The following SLCO4C1 variants were observed in gnomAD, a reference collection of about 807,000 sequenced individuals.
The protein encoded by SLCO4C1 is solute carrier organic anion transporter family member 4C1, also known as organic anion transporter M1.
SLCO4C1 carries 58 observed loss-of-function variants against 72.1 expected under a neutral mutation model. That is an observed-to-expected ratio of 0.80 (90% CI 0.65 to 1.00). The LOEUF (loss-of-function observed/expected upper bound fraction) is 1.00, where lower values mean the gene tolerates loss of function less well. Among genes scored for constraint, SLCO4C1 ranks in the 50% least tolerant of loss-of-function variants. SLCO4C1 has a pLI of 0.00. For synonymous variants in SLCO4C1, 297 were observed against 312.5 expected, an observed-to-expected ratio of 0.95 and a Z score of 0.52; for missense variants, 898 against 857.9, an observed-to-expected ratio of 1.05 and a Z score of -0.58.
chr5:102,259,761 T>C (rs1264099374), intron 6 of SLCO4C1, among the ~76,000 whole-genome samples: 4 of 152,130 alleles, frequency 2.6e-5, no homozygotes, highest in Admixed American at 2.6e-4. Context: ...ATATTTACAA[T>C]TCAGTGATAA....
At chr5:102,258,884 T>C (rs1348101199) in intron 6 of SLCO4C1, among the ~76,000 whole-genome samples, 2 of 151,506 alleles carry the variant, frequency 1.3e-5, no homozygotes, top group Admixed American at 1.3e-4. Flanking sequence ...TAATTAATAA[T>C]AATAAAAATA....
intron 12 of SLCO4C1, 58 bp from the exon 13 acceptor site, chr5:102,237,076 C>T (rs1326384934): frequency 2.1e-6 from 3 of 1,453,890 alleles, no homozygotes; most frequent in South Asian, 2.8e-5. Flanking sequence ...TAAAAATTAT[C>T]ACTGAGAAAA....
intron 11 of SLCO4C1, 54 bp from the exon 12 acceptor site, chr5:102,239,442 C>T (rs1352588205): frequency 9.1e-6 from 12 of 1,317,414 alleles, no homozygotes; most frequent in Non-Finnish European, 1.2e-5. Flanking sequence ...TTTAGAATTA[C>T]AGATCTTTTT....
chr5:102,247,465 C>A, intron 9 of SLCO4C1, 23 bp from the exon 10 acceptor site: 1 of 1,402,144 alleles, frequency 7.1e-7, no homozygotes, highest in African/African-American at 1.4e-5. Context: ...GACATAAAAA[C>A]AATGAAAGTG....
In SLCO4C1 at chr5:102,236,124, TA is replaced by T. The variant is rs1166272479; in HGVS notation, c.*733del. On this transcript the variant is annotated 3_prime_UTR_variant, in exon 13 of 13. Transcript: ENST00000310954. The stretch of plus-strand genomic sequence containing the variant: ...TATTATCACAGAATCATAAATGTGT[TA>T]AAAATTGTAATATCAACAAATTACC... 3 of 152,200 alleles carry T rather than the reference TA, an allele frequency of 2.0e-5. No individual in the cohort carries two copies. Among genetic ancestry groups the T allele is most frequent in the Admixed American group, 2.0e-4 (3 of 15,276 alleles). The allele number at this position is 152,200 out of a possible 1,614,324, so 9.4% of individuals were successfully genotyped here.
intron 2 of SLCO4C1, among the ~76,000 whole-genome samples, chr5:102,287,481 A>G (rs1174407656): frequency 6.6e-6 from 1 of 151,076 alleles, no homozygotes; most frequent in Non-Finnish European, 1.5e-5. Context: ...TGTGAAATCA[A>G]TTCACCTCTT....
chr5:102,260,346 T>A (rs1245706327), intron 5 of SLCO4C1, 27 bp from the exon 6 acceptor site: 12 of 315,772 alleles, frequency 3.8e-5, no homozygotes, highest in Admixed American at 7.5e-5. Context: ...TATATATATA[T>A]AATATATATA....
chr5:102,273,688 A>G (rs1339283078), intron 2 of SLCO4C1, among the ~76,000 whole-genome samples: 1 of 152,202 alleles, frequency 6.6e-6, no homozygotes, highest in Non-Finnish European at 1.5e-5. Context: ...ACTTGCCCTG[A>G]AAAACACTAC....
chr5:102,263,535 T>C (rs569281721), intron 4 of SLCO4C1, 149 bp downstream of exon 4: 2 of 555,678 alleles, frequency 3.6e-6, no homozygotes, highest in Non-Finnish European at 6.2e-6. Flanking sequence ...AAATAAGATA[T>C]TATATAAGAA....
intron 3 of SLCO4C1, among the ~76,000 whole-genome samples, chr5:102,267,478 T>C (rs1749062278): frequency 6.6e-6 from 1 of 152,002 alleles, no homozygotes; most frequent in Admixed American, 6.6e-5. Flanking sequence ...TTCTATTTTG[T>C]TTCTGATTTC....
chr5:102,261,390 C>T (rs560455265), intron 5 of SLCO4C1, among the ~76,000 whole-genome samples: 1 of 150,542 alleles, frequency 6.6e-6, no homozygotes, highest in East Asian at 2.0e-4. Flanking sequence ...CCAGTCTGGG[C>T]AACAGAGGGA....
chr5:102,252,864 T>A (rs1408847936), intron 8 of SLCO4C1, among the ~76,000 whole-genome samples: 7 of 152,114 alleles, frequency 4.6e-5, no homozygotes, highest in Non-Finnish European at 2.9e-5. Context: ...TTTAAAAATA[T>A]TAAAATATCC....
At position 102,257,280 on chromosome 5, in the gene SLCO4C1, C is replaced by A. The variant is rs767627808; in HGVS notation, c.1304G>T (p.Gly435Val). ...GAVLIPGAALGQILGGFLVSK... is the reference protein window; with the variant it reads ...GAVLIPGAALVQILGGFLVSK... ...AACAAGGAAGCCACCTAAAATTTGACCGAGAGCAGCTCCAGGAATTAAAAC... is the reference window on the plus strand; with the variant it reads ...AACAAGGAAGCCACCTAAAATTTGAACGAGAGCAGCTCCAGGAATTAAAAC... Residue 435 changes from glycine to valine, a missense_variant, in exon 8 of 13, where the codon GGT becomes GTT. Gly to Val is a moderately radical substitution (Grantham distance 109). Coordinates refer to ENST00000310954, the MANE Select transcript of SLCO4C1 (RefSeq NM_180991.5). 4 of 1,600,296 alleles carry A rather than the reference C, an allele frequency of 2.5e-6. No homozygotes were observed. The highest frequency in any genetic ancestry group is 3.4e-6 in the Non-Finnish European group (4 of 1,174,788).
intron 1 of SLCO4C1, among the ~76,000 whole-genome samples, chr5:102,294,325 C>G (rs1749608828): frequency 6.6e-6 from 1 of 152,298 alleles, no homozygotes; most frequent in Non-Finnish European, 1.5e-5. Context: ...GGATTACAGG[C>G]GTGAGCCACC....
chr5:102,259,180 C>G (rs1210142168), intron 6 of SLCO4C1, among the ~76,000 whole-genome samples: 2 of 151,912 alleles, frequency 1.3e-5, no homozygotes, highest in African/African-American at 2.4e-5. Context: ...ATTATTCAGA[C>G]ATTCAAGGAT....
Position 102,247,386 on chromosome 5 carries a change from T to C in SLCO4C1, c.1677A>G (p.Glu559=). The C allele has an allele frequency of 6.3e-7, 1 of 1,594,854 alleles. No individual in the cohort carries two copies. Among genetic ancestry groups the C allele is most frequent in the South Asian group, 1.1e-5 (1 of 89,000 alleles). Residue 559 remains glutamate (E), a synonymous_variant, in exon 10 of 13, where the codon GAA becomes GAG. Coordinates refer to ENST00000310954, the MANE Select transcript of SLCO4C1 (RefSeq NM_180991.5). ...ERKTEITSTA[E]TFGFEAKAGK... ...CAGCTTTAGCTTCAAAACCAAAAGT[T>C]TCTGCAGTGGATGTTATTTCTGTTT...
At chr5:102,268,140 C>A (rs1749077769) in intron 3 of SLCO4C1, among the ~76,000 whole-genome samples, 1 of 152,124 alleles carries the variant, frequency 6.6e-6, no homozygotes, top group Non-Finnish European at 1.5e-5. Context: ...CAATATTATT[C>A]ACTGATTTTC....
Position 102,254,791 on chromosome 5 carries a change from T to C in SLCO4C1, c.1469+2324A>G, listed in dbSNP as rs556689134. ...AATAGACTACAGTATAGGGTAAATA[T>C]AACCTTTATATGCACTGGAAAACCA... is the stretch of plus-strand genomic sequence containing the variant. On this transcript the variant is annotated intron_variant, in intron 8 of 12. Coordinates refer to ENST00000310954, the MANE Select transcript of SLCO4C1 (RefSeq NM_180991.5). Among the ~76,000 whole-genome samples the C allele has an allele frequency of 1.2e-4, 19 of 152,326 alleles. 1 individual carries two copies. The South Asian group carries it at 3.7e-3, about 30-fold the overall frequency.
chr5:102,247,373 C>T lies in SLCO4C1; in HGVS notation c.1690G>A (p.Glu564Lys). 6.3e-7 allele frequency: 1 copy of T among 1,597,016 alleles called. No homozygotes were observed. The highest frequency in any genetic ancestry group is 1.1e-5 in the South Asian group (1 of 89,114). ...ITSTAETFGF[E>K]AKAGKCETHC... ...GTTTCACATTTTCCAGCTTTAGCTT[C>T]AAAACCAAAAGTTTCTGCAGTGGAT... Residue 564 changes from glutamate to lysine, a missense_variant, in exon 10 of 13, where the codon GAA becomes AAA. Transcript: ENST00000310954.
Sources: gnomAD v4.1 joint callset for allele counts (sites outside exome capture counted in the v4.1 genomes callset) on GRCh38, gnomAD v4.1.1 for gene constraint, MANE v1.5 for transcripts, NCBI Gene and HGNC (gene_info 2026-07-23, HGNC 2026-07-21) for gene names.